The following UBE2E2 variants were observed in gnomAD, a reference collection of about 807,000 sequenced individuals.
UBE2E2 encodes the protein ubiquitin conjugating enzyme E2 E2, also known as ubiquitin-conjugating enzyme E2 E2.
A neutral mutation model predicts 24.7 loss-of-function variants in UBE2E2; 6 were observed. The observed-to-expected ratio is 0.24, with a 90% CI of 0.13 to 0.48. The LOEUF (loss-of-function observed/expected upper bound fraction) is 0.48, where lower values mean the gene tolerates loss of function less well. UBE2E2 is among the 20% of genes least tolerant of loss of function. The probability of loss-of-function intolerance (pLI) is 0.99; values close to 1 mark genes in which losing one functional copy is unlikely to be tolerated. For synonymous variants in UBE2E2, 104 were observed against 83.6 expected, an observed-to-expected ratio of 1.24 and a Z score of -1.33; for missense variants, 169 against 245.0, an observed-to-expected ratio of 0.69 and a Z score of 2.07.
chr3:23,342,246 A>AC (rs1179540129), intron 3 of UBE2E2, among the ~76,000 whole-genome samples: 1 of 149,772 alleles, frequency 6.7e-6, no homozygotes, highest in African/African-American at 2.5e-5. Flanking sequence ...GTGCAGTGGC[A>AC]CAATCATGGC....
intron 3 of UBE2E2, among the ~76,000 whole-genome samples, chr3:23,295,999 A>G (rs1698897218): frequency 6.6e-6 from 1 of 152,206 alleles, no homozygotes; most frequent in African/African-American, 2.4e-5. Flanking sequence ...TCTGCTCTGA[A>G]TCTTGAAGAG....
At chr3:23,260,266 A>G (rs755100962) in intron 3 of UBE2E2, among the ~76,000 whole-genome samples, 31 of 152,210 alleles carry the variant, frequency 2.0e-4, no homozygotes, top group Non-Finnish European at 3.7e-4. Flanking sequence ...ATAATGCTAT[A>G]TATTTTTTAA....
chr3:23,534,951 A>G (rs1238883324), intron 5 of UBE2E2, among the ~76,000 whole-genome samples: 2 of 152,346 alleles, frequency 1.3e-5, no homozygotes, highest in East Asian at 1.9e-4. Context: ...TTATCCATAC[A>G]TAAACTTATT....
At chr3:23,363,054 CATAAG>C (rs1696162238) in intron 3 of UBE2E2, among the ~76,000 whole-genome samples, 1 of 152,180 alleles carries the variant, frequency 6.6e-6, no homozygotes, top group Non-Finnish European at 1.5e-5. Flanking sequence ...AACTAAGCTT[CATAAG>C]AGAAGGAGAA....
In UBE2E2 at chr3:23,407,617, A is replaced by G. The variant is rs534440055; in HGVS notation, c.228-91991A>G. On this transcript the variant is annotated intron_variant, in intron 3 of 5. Transcript: ENST00000396703. This position sits in a 1 kb window ranked among gnomAD's most constrained non-coding sequence, Gnocchi z 4.0. ...TGTATGTTTGTTTTGGGAGGAGTGC[A>G]TGTGTGTGTGTTTGTGTGTGCATGC... Among the ~76,000 whole-genome samples, 3 of 139,216 alleles carry G rather than the reference A, an allele frequency of 2.2e-5. No individual in the cohort carries two copies. Among genetic ancestry groups the G allele is most frequent in the East Asian group, 2.2e-4 (1 of 4,608 alleles). 91.3% of individuals were successfully genotyped at this position (139,216 alleles called of 152,430 possible). A position where few individuals can be genotyped will look rare whatever the true frequency, so the allele number is the denominator to read the frequency against.
At position 23,217,873 on chromosome 3, in the gene UBE2E2, A is replaced by G. The variant is rs1020639702; in HGVS notation, c.227+561A>G. Among the ~76,000 whole-genome samples the G allele has an allele frequency of 2.0e-5, 3 of 152,230 alleles. No individual in the cohort carries two copies. In the East Asian group the frequency reaches 5.8e-4, roughly 29 times the overall value. Reference sequence around the variant, plus strand: ...TTCTGGTCAGTGTTTACTTTTAGGAAAGAAAAGTGCTTACCTGGAAATGGT... The same window carrying G: ...TTCTGGTCAGTGTTTACTTTTAGGAGAGAAAAGTGCTTACCTGGAAATGGT... On this transcript the variant is annotated intron_variant, in intron 3 of 5. Coordinates refer to ENST00000396703, the MANE Select transcript of UBE2E2 (RefSeq NM_152653.4).
intron 3 of UBE2E2, among the ~76,000 whole-genome samples, chr3:23,233,295 A>C (rs1313808079): frequency 6.6e-6 from 1 of 152,178 alleles, no homozygotes; most frequent in African/African-American, 2.4e-5. Flanking sequence ...ATTCTTATCA[A>C]AGCTGTTGTA....
At chr3:23,300,860 A>G (rs1699060455) in intron 3 of UBE2E2, among the ~76,000 whole-genome samples, 1 of 152,050 alleles carries the variant, frequency 6.6e-6, no homozygotes, top group Admixed American at 6.5e-5. Context: ...GTTCTCCTGG[A>G]TAATATCCTG....
At chr3:23,330,941 T>C (rs6765562) in intron 3 of UBE2E2, among the ~76,000 whole-genome samples, 49,480 of 152,052 alleles carry the variant, frequency 0.33, 8,282 homozygotes, top group South Asian at 0.37. Flanking sequence ...GATTCTGTAA[T>C]ACCTAGGTAG....
chr3:23,248,057 A>G (rs1345013617), intron 3 of UBE2E2, among the ~76,000 whole-genome samples: 1 of 152,232 alleles, frequency 6.6e-6, no homozygotes, highest in Non-Finnish European at 1.5e-5. Context: ...CCCAATTCTA[A>G]TCAATTTCGT....
chr3:23,503,722 C>T (rs1331893837), intron 4 of UBE2E2, among the ~76,000 whole-genome samples: 3 of 151,834 alleles, frequency 2.0e-5, no homozygotes, highest in African/African-American at 7.3e-5. Flanking sequence ...GGCATGGTGA[C>T]TCACACTTGT....
At chr3:23,305,478 A>G (rs764746216) in intron 3 of UBE2E2, among the ~76,000 whole-genome samples, 5 of 152,330 alleles carry the variant, frequency 3.3e-5, no homozygotes, top group Admixed American at 2.6e-4. Flanking sequence ...GATTTGAAAT[A>G]AGGCACCAGG....
intron 3 of UBE2E2, among the ~76,000 whole-genome samples, chr3:23,318,208 A>G (rs1694637349): frequency 6.6e-6 from 1 of 152,086 alleles, no homozygotes; most frequent in African/African-American, 2.4e-5. Context: ...TCTGTCTCCC[A>G]GGCTGGAGTG....
intron 5 of UBE2E2, among the ~76,000 whole-genome samples, chr3:23,587,180 A>T (rs1282766059): frequency 6.6e-6 from 1 of 152,274 alleles, no homozygotes; most frequent in Admixed American, 6.5e-5. Context: ...TGCAAAAAAA[A>T]GTTTGCACAA....
intron 3 of UBE2E2, among the ~76,000 whole-genome samples, chr3:23,318,158 A>G (rs1017265294): frequency 2.0e-5 from 3 of 152,008 alleles, no homozygotes; most frequent in Non-Finnish European, 1.5e-5. Context: ...AGGGTTTTAA[A>G]AAAATTTTTT....
At chr3:23,346,552 A>C (rs1032743217) in intron 3 of UBE2E2, among the ~76,000 whole-genome samples, 2 of 152,240 alleles carry the variant, frequency 1.3e-5, no homozygotes, top group African/African-American at 4.8e-5. Context: ...TCATAATTAT[A>C]AAAGTGTTCA....
chr3:23,317,436 C>T (rs571961881), intron 3 of UBE2E2, among the ~76,000 whole-genome samples: 34 of 152,166 alleles, frequency 2.2e-4, no homozygotes, highest in Non-Finnish European at 4.1e-4. Flanking sequence ...ATTGTCTCTC[C>T]GCACCATGCA....
intron 3 of UBE2E2, among the ~76,000 whole-genome samples, chr3:23,433,207 ACTCATATCTTTT>A (rs1392681302): frequency 6.6e-6 from 1 of 151,898 alleles, no homozygotes; most frequent in Non-Finnish European, 1.5e-5. Flanking sequence ...AAAATCTTAT[ACTCATATCTTTT>A]CTCCCAAGTG....
intron 3 of UBE2E2, among the ~76,000 whole-genome samples, chr3:23,385,636 C>T (rs1340644441): frequency 1.3e-5 from 2 of 152,172 alleles, no homozygotes; most frequent in Non-Finnish European, 2.9e-5. Flanking sequence ...ATCTCATTTC[C>T]ATATGTGGGT....
Sources: allele counts gnomAD v4.1 joint callset (sites outside exome capture counted in the v4.1 genomes callset), GRCh38; gene constraint gnomAD v4.1.1; non-coding constraint Gnocchi (gnomAD v3.1); transcripts MANE v1.5; gene names NCBI Gene and HGNC (gene_info 2026-07-23, HGNC 2026-07-21).